TENM2: variants seen among roughly 807,000 people sequenced by gnomAD.
The protein encoded by TENM2 is teneurin-2.
In TENM2, 52 loss-of-function variants were observed where a neutral mutation model predicts 245.2. That is an observed-to-expected ratio of 0.21 (90% CI 0.17 to 0.27). The LOEUF is 0.27. Ranked by LOEUF, TENM2 falls within the 10% of genes least tolerant of loss-of-function variation. The probability of loss-of-function intolerance (pLI) is 1.00; values close to 1 mark genes in which losing one functional copy is unlikely to be tolerated. For missense variants in TENM2, 3,046 were observed against 3,666.8 expected (o/e 0.83, Z 4.37); for synonymous variants, 1,363 against 1,438.9 (o/e 0.95, Z 1.19).
At chr5:167,162,768 A>C in the TENM2 span, among the ~76,000 whole-genome samples, 1 of 152,220 alleles carries the variant, frequency 6.6e-6, no homozygotes, top group African/African-American at 2.4e-5. Context: ...CAATCCTACC[A>C]GAAAGAAAGC....
intron 1 of TENM2, among the ~76,000 whole-genome samples, chr5:167,356,086 A>G (rs376292263): frequency 3.4e-4 from 49 of 144,750 alleles, no homozygotes; most frequent in African/African-American, 1.2e-3. Context: ...GGAGGCTGAG[A>G]CAGGAGAATC....
At chr5:168,228,225 G>A in intron 25 of TENM2, 95 bp downstream of exon 27, 1 of 1,005,490 alleles carries the variant, frequency 9.9e-7, no homozygotes. Flanking sequence ...CACAGAGTGG[G>A]AGGGGATATA....
chr5:168,169,841 A>T (rs568694318), intron 13 of TENM2, among the ~76,000 whole-genome samples: 2 of 152,300 alleles, frequency 1.3e-5, no homozygotes, highest in African/African-American at 4.8e-5. Context: ...TTGAGCTATT[A>T]ATTGGGTTGG....
intron 15 of TENM2, among the ~76,000 whole-genome samples, chr5:168,196,497 T>A (rs1400722137): frequency 1.3e-5 from 2 of 152,204 alleles, no homozygotes; most frequent in Non-Finnish European, 2.9e-5. Context: ...GTCTCACTCT[T>A]CTTGCCCAGG....
the TENM2 span, among the ~76,000 whole-genome samples, chr5:167,082,329 G>T: frequency 1.3e-5 from 2 of 151,982 alleles, no homozygotes; most frequent in East Asian, 3.8e-4. Context: ...CTGTCGCTCA[G>T]GTTGGAGTGC....
Position 167,541,769 on chromosome 5 carries a change from C to T in TENM2, c.502+166296C>T, listed in dbSNP as rs1772228398. ...GAGCATTAATTCATTTCCTCTGAAA[C>T]AATGTGCATTAGGAAAATATTTTGA... On this transcript the variant is annotated intron_variant, in intron 2 of 28. Coordinates refer to ENST00000518659, the Ensembl canonical transcript of TENM2. 2.6e-5 allele frequency among the ~76,000 whole-genome samples: 4 copies of T among 152,228 alleles called. No individual in the cohort carries two copies. The South Asian group carries it at 6.2e-4, about 24-fold the overall frequency.
chr5:168,058,472 A>G lies in TENM2; in HGVS notation c.1310-3588A>G, dbSNP rs2546942. 3.7e-3 allele frequency among the ~76,000 whole-genome samples: 567 copies of G among 152,338 alleles called. 3 individuals carry two copies. Among genetic ancestry groups the G allele is most frequent in the African/African-American group, 0.013 (535 of 41,588 alleles). ...CATCTGCTGTGGGCTGCAGAAAAGC[A>G]TAATTGCTATAGAAACACAGAGAAA... is the stretch of plus-strand genomic sequence containing the variant. On this transcript the variant is annotated intron_variant, in intron 6 of 28. Transcript: ENST00000518659.
At chr5:167,620,697 C>T (rs1429725969) in intron 2 of TENM2, among the ~76,000 whole-genome samples, 1 of 151,838 alleles carries the variant, frequency 6.6e-6, no homozygotes, top group Admixed American at 6.6e-5. Flanking sequence ...ACTTACAATC[C>T]TCTCCTCTTT....
chr5:167,740,709 G>A (rs1258361794), intron 2 of TENM2, among the ~76,000 whole-genome samples: 1 of 152,162 alleles, frequency 6.6e-6, no homozygotes, highest in Non-Finnish European at 1.5e-5. Context: ...CCGTGAGAGG[G>A]ATCTGATATA....
intron 17 of TENM2, among the ~76,000 whole-genome samples, chr5:168,202,259 C>T (rs371380809): frequency 2.2e-3 from 334 of 152,142 alleles, no homozygotes; most frequent in African/African-American, 7.6e-3. Flanking sequence ...TAGATAAATG[C>T]TTGATTATTT....
intron 2 of TENM2, among the ~76,000 whole-genome samples, chr5:167,826,449 ACT>A (rs1230813896): frequency 6.6e-6 from 1 of 152,170 alleles, no homozygotes; most frequent in Non-Finnish European, 1.5e-5. Context: ...CCCTTGATAG[ACT>A]CTGCAAAAGG....
chr5:167,664,040 G>T (rs279386), intron 2 of TENM2, among the ~76,000 whole-genome samples: 55,527 of 151,976 alleles, frequency 0.37, 14,175 homozygotes, highest in East Asian at 0.9. Flanking sequence ...TCTTGTTCAT[G>T]TTGCAATTTG....
In TENM2 at chr5:167,785,897, C is replaced by T. The variant is rs189982599; in HGVS notation, c.503-90089C>T. ...CATCCCTCAGGATAGCACCTGCCTACTTACTTTGTGTTATAAAGCATGAGT... is the reference window on the plus strand; with the variant it reads ...CATCCCTCAGGATAGCACCTGCCTATTTACTTTGTGTTATAAAGCATGAGT... On this transcript the variant is annotated intron_variant, in intron 2 of 28. Coordinates refer to ENST00000518659, the Ensembl canonical transcript of TENM2. 1.5e-3 allele frequency among the ~76,000 whole-genome samples: 229 copies of T among 152,226 alleles called. 1 individual carries two copies. Among genetic ancestry groups the T allele is most frequent in the African/African-American group, 5.2e-3 (215 of 41,532 alleles).
chr5:168,158,829 G>GTGTATATATATATATATATA (rs1397260649), intron 12 of TENM2, among the ~76,000 whole-genome samples: 5 of 63,706 alleles, frequency 7.8e-5, no homozygotes, highest in Admixed American at 2.3e-4. Context: ...GTGTGTGTGT[G>GTGTATATATATATATATATA]TATATATATA....
intron 2 of TENM2, among the ~76,000 whole-genome samples, chr5:167,588,142 A>G (rs1775629254): frequency 6.6e-6 from 1 of 152,244 alleles, no homozygotes; most frequent in African/African-American, 2.4e-5. Flanking sequence ...ATGTTTCATC[A>G]TAAATGACAT....
chr5:167,418,726 C>T (rs899858322), intron 2 of TENM2, among the ~76,000 whole-genome samples: 4 of 152,144 alleles, frequency 2.6e-5, no homozygotes, highest in East Asian at 1.9e-4. Context: ...AAATGTCAAG[C>T]GTGTGTTTGC....
chr5:167,945,396 C>T lies in TENM2; in HGVS notation c.713-7192C>T, dbSNP rs375701765. Reference sequence around the variant, plus strand: ...AATTATGTTACTTAACCTCCCCACACCTCAGTCTCCTCATCTTTAAAGGGG... The same window carrying T: ...AATTATGTTACTTAACCTCCCCACATCTCAGTCTCCTCATCTTTAAAGGGG... On this transcript the variant is annotated intron_variant, in intron 3 of 28. Coordinates refer to ENST00000518659, the Ensembl canonical transcript of TENM2. Among the ~76,000 whole-genome samples the T allele has an allele frequency of 1.4e-4, 21 of 152,240 alleles. No individual in the cohort carries two copies. In the South Asian group the frequency reaches 4.2e-3, roughly 30 times the overall value.
intron 2 of TENM2, among the ~76,000 whole-genome samples, chr5:167,546,740 G>T (rs1408650069): frequency 6.6e-6 from 1 of 152,158 alleles, no homozygotes; most frequent in Non-Finnish European, 1.5e-5. Context: ...CAGAAATAAT[G>T]ACAACCAAGC....
intron 2 of TENM2, among the ~76,000 whole-genome samples, chr5:167,575,481 A>G (rs1237644442): frequency 1.3e-5 from 2 of 152,158 alleles, no homozygotes; most frequent in South Asian, 2.1e-4. Flanking sequence ...CTTGCTCCTC[A>G]ATATCATACC....
Sources: gnomAD v4.1 joint callset for allele counts (sites outside exome capture counted in the v4.1 genomes callset) on GRCh38, gnomAD v4.1.1 for gene constraint, MANE v1.5 for transcripts, NCBI Gene and HGNC (gene_info 2026-07-23, HGNC 2026-07-21) for gene names.